Variants in SMARCA2 observed in about 807,000 individuals in gnomAD.
The protein encoded by SMARCA2 is SWI/SNF-related matrix-associated actin-dependent regulator of chromatin subfamily A member 2.
Under a neutral mutation model 199.8 loss-of-function variants are expected in SMARCA2, and 61 were observed. The ratio of observed to expected loss-of-function variants is 0.31; its 90% CI spans 0.25 to 0.38. The LOEUF is 0.38. Among genes scored for constraint, SMARCA2 ranks in the 10% least tolerant of loss-of-function variants. The pLI is 1.00. For synonymous variants in SMARCA2, 935 were observed against 732.0 expected, an observed-to-expected ratio of 1.28 and a Z score of -4.48; for missense variants, 1,344 against 2,012.2, an observed-to-expected ratio of 0.67 and a Z score of 6.35.
chr9:2,127,767 T>C (rs1025829726), intron 27 of SMARCA2, among the ~76,000 whole-genome samples: 1 of 152,262 alleles, frequency 6.6e-6, no homozygotes, highest in Non-Finnish European at 1.5e-5. Context: ...TTAGGTTAAA[T>C]TTAAGTGTTA....
chr9:2,159,667 G>A, intron 27 of SMARCA2: 2 of 939,116 alleles, frequency 2.1e-6, no homozygotes, highest in East Asian at 5.3e-5. Context: ...CAGGCTGAAG[G>A]AGGAAGCCTT....
At chr9:2,192,449 C>A in intron 33 of SMARCA2, 1 of 485,696 alleles carries the variant, frequency 2.1e-6, no homozygotes, top group Non-Finnish European at 3.7e-6. Context: ...ATAAACCTTT[C>A]AAGCCAAAGT....
At chr9:2,042,723 A>G (rs1294234586) in intron 4 of SMARCA2, 7 of 151,892 alleles carry the variant, frequency 4.6e-5, no homozygotes, top group Non-Finnish European at 1.0e-4. Context: ...CTGTCATTAA[A>G]GGGAATTCAC....
intron 23 of SMARCA2, among the ~76,000 whole-genome samples, chr9:2,108,391 A>G (rs1011309316): frequency 6.6e-6 from 1 of 152,244 alleles, no homozygotes; most frequent in East Asian, 1.9e-4. Context: ...AACAAAAAGC[A>G]AGAAACCAGA....
chr9:2,091,059 A>C (rs992888933), intron 19 of SMARCA2, among the ~76,000 whole-genome samples: 2 of 145,110 alleles, frequency 1.4e-5, no homozygotes, highest in East Asian at 3.9e-4. Context: ...GTTTTTATGA[A>C]AAAAGAGCCA....
chr9:2,035,385 C>T (rs945224552), intron 3 of SMARCA2, among the ~76,000 whole-genome samples: 13 of 152,126 alleles, frequency 8.5e-5, no homozygotes, highest in African/African-American at 2.9e-4. Context: ...AGATGAGTAA[C>T]GTTTAGTGAT....
intron 27 of SMARCA2, among the ~76,000 whole-genome samples, chr9:2,151,042 A>C (rs776937344): frequency 2.0e-5 from 3 of 151,624 alleles, no homozygotes; most frequent in Non-Finnish European, 4.4e-5. Flanking sequence ...AGTTCAGCCC[A>C]TAACACTATA....
chr9:2,139,868 G>C (rs2130681735), intron 27 of SMARCA2, among the ~76,000 whole-genome samples: 1 of 152,200 alleles, frequency 6.6e-6, no homozygotes, highest in East Asian at 1.9e-4. Context: ...CCTAACCTGT[G>C]GGCTTTCATT....
At chr9:2,020,250 C>A (rs1015806971) in intron 1 of SMARCA2, among the ~76,000 whole-genome samples, 1 of 151,964 alleles carries the variant, frequency 6.6e-6, no homozygotes, top group Non-Finnish European at 1.5e-5. Context: ...GAATTATCTT[C>A]TAAATTGTTT....
At chr9:2,062,663 C>G (rs1331401507) in intron 9 of SMARCA2, among the ~76,000 whole-genome samples, 3 of 152,066 alleles carry the variant, frequency 2.0e-5, no homozygotes, top group Non-Finnish European at 4.4e-5. Context: ...AGCACTTATT[C>G]TTTGTGTCTT....
chr9:2,084,178 C>A lies in SMARCA2; in HGVS notation c.2508C>A (p.Asp836Glu), dbSNP rs2130475008. The change falls in exon 17 of 34, where the codon GAC (aspartate) becomes GAA (glutamate). Residue 836 changes from aspartate to glutamate, a missense_variant. Physicochemically the swap from Asp to Glu is conservative, Grantham distance 45. This residue lies in a region of SMARCA2 where 19 missense variants were observed against 119.6 expected (regional missense o/e 0.16). Coordinates refer to ENST00000349721, the MANE Select transcript of SMARCA2 (RefSeq NM_003070.5). ...LLTTYEYIIK[D>E]KHILAKIRWK... is the part of the protein sequence containing the mutation. ...CTACTTATGAGTATATTATAAAAGA[C>A]AAGCACATTCTTGCAAAGGTATGTT... is the stretch of plus-strand genomic sequence containing the variant. 6.3e-7 allele frequency: 1 copy of A among 1,580,692 alleles called. No individual in the cohort carries two copies.
intron 15 of SMARCA2, among the ~76,000 whole-genome samples, chr9:2,082,606 G>A (rs1220170281): frequency 6.6e-6 from 1 of 152,148 alleles, no homozygotes; most frequent in Non-Finnish European, 1.5e-5. Flanking sequence ...CCGAGTGAGG[G>A]CACAGTGATT....
At chr9:2,172,724 C>T (rs543086177) in intron 29 of SMARCA2, among the ~76,000 whole-genome samples, 1 of 152,114 alleles carries the variant, frequency 6.6e-6, no homozygotes, top group Non-Finnish European at 1.5e-5. Context: ...TCAAGGAGGC[C>T]AACGGAGAGC....
chr9:2,105,986 C>G (rs1392899393), intron 23 of SMARCA2, among the ~76,000 whole-genome samples: 2 of 152,210 alleles, frequency 1.3e-5, no homozygotes, highest in Non-Finnish European at 2.9e-5. Flanking sequence ...CTGAGAGGTT[C>G]TCTTTAATAG....
At chr9:2,105,097 C>T (rs528740897) in intron 23 of SMARCA2, among the ~76,000 whole-genome samples, 4 of 152,214 alleles carry the variant, frequency 2.6e-5, no homozygotes, top group African/African-American at 4.8e-5. Context: ...CTTAATTGAA[C>T]GTAATTGGAT....
rs569829929 is a variant in SMARCA2 at position 2,079,067 on chromosome 9, G to C, written c.2184+1291G>C. Among the ~76,000 whole-genome samples the C allele has an allele frequency of 2.5e-4, 38 of 152,298 alleles. No homozygotes were observed. The South Asian group carries it at 7.5e-3, about 30-fold the overall frequency. ...CTAACTTGAATACTTGTGAACGTGA[G>C]TCGAGGGCCTTATTATTGATAATAG... On this transcript the variant is annotated intron_variant, in intron 14 of 33. Transcript: ENST00000349721.
intron 32 of SMARCA2, among the ~76,000 whole-genome samples, chr9:2,187,780 C>G (rs1166250132): frequency 6.6e-6 from 1 of 151,918 alleles, no homozygotes; most frequent in Non-Finnish European, 1.5e-5. Context: ...GTACTAAAAC[C>G]TATGTTTTAC....
Position 2,119,717 on chromosome 9 carries a change from G to A in SMARCA2, c.3762+182G>A, listed in dbSNP as rs6475503. On this transcript the variant is annotated intron_variant, in intron 26 of 33. Transcript: ENST00000349721. The surrounding 1 kb of genome is among the most constrained non-coding windows in gnomAD (Gnocchi z 4.6). The stretch of plus-strand genomic sequence containing the variant: ...TGCAGACATATTTTGTTTGGCCCAC[G>A]CAGCGTTTTTTAAAATTTCCCATTC... 0.012 allele frequency among the ~76,000 whole-genome samples: 1,831 copies of A among 152,196 alleles called. 33 individuals carry two copies. Among genetic ancestry groups the A allele is most frequent in the African/African-American group, 0.042 (1,746 of 41,516 alleles).
chr9:2,046,554 T>C (rs533837232), intron 4 of SMARCA2, among the ~76,000 whole-genome samples: 9 of 152,332 alleles, frequency 5.9e-5, no homozygotes, highest in African/African-American at 1.7e-4. Flanking sequence ...ATATGCTTTA[T>C]AGGCCTTAAA....
Sources: gnomAD v4.1 joint callset for allele counts (sites outside exome capture counted in the v4.1 genomes callset) on GRCh38, gnomAD v4.1.1 for gene constraint, gnomAD v4.1.1 regional missense constraint, Gnocchi (gnomAD v3.1) non-coding constraint, MANE v1.5 for transcripts, NCBI Gene and HGNC (gene_info 2026-07-23, HGNC 2026-07-21) for gene names.